SPATA1: variants seen among roughly 807,000 people sequenced by gnomAD.
SPATA1 encodes the protein spermatogenesis-associated protein 1.
A neutral mutation model predicts 59.6 loss-of-function variants in SPATA1; 57 were observed. The ratio of observed to expected loss-of-function variants is 0.96; its 90% CI spans 0.77 to 1.19. The LOEUF (loss-of-function observed/expected upper bound fraction) is 1.19. Among genes scored for constraint, SPATA1 ranks in the 50% most tolerant of loss-of-function variants. The probability of loss-of-function intolerance (pLI) is 0.00; values close to 1 mark genes in which losing one functional copy is unlikely to be tolerated. For missense variants in SPATA1, 448 were observed against 480.7 expected (o/e 0.93, Z 0.64); for synonymous variants, 147 against 163.9 (o/e 0.90, Z 0.79).
intron 1 of SPATA1, among the ~76,000 whole-genome samples, chr1:84,511,655 CTTTT>C (rs771793030): frequency 1.2e-5 from 1 of 81,134 alleles, no homozygotes; most frequent in Non-Finnish European, 2.6e-5. Flanking sequence ...GCATTTCAGG[CTTTT>C]TTTTTTTTTT....
intron 7 of SPATA1, among the ~76,000 whole-genome samples, chr1:84,533,418 G>A (rs1207906658): frequency 6.6e-6 from 1 of 151,926 alleles, no homozygotes; most frequent in Non-Finnish European, 1.5e-5. Flanking sequence ...ATTCACAAAA[G>A]AACAATAAAC....
At chr1:84,552,865 A>T in intron 12 of SPATA1, 1 of 544,556 alleles carries the variant, frequency 1.8e-6, no homozygotes, top group Non-Finnish European at 3.2e-6. Context: ...ATTAAACAGC[A>T]TTCATAATCT....
At chr1:84,566,854 C>G (rs995885708), downstream of SPATA1, among the ~76,000 whole-genome samples, 3 of 152,130 alleles carry the variant, frequency 2.0e-5, no homozygotes, top group African/African-American at 7.2e-5. Flanking sequence ...AGGCTGGTCT[C>G]AAACTCCTGA....
chr1:84,538,670 C>G (rs1350519541), intron 8 of SPATA1, among the ~76,000 whole-genome samples: 1 of 152,140 alleles, frequency 6.6e-6, no homozygotes, highest in African/African-American at 2.4e-5. Flanking sequence ...GGATGTGCTG[C>G]TCTATTTTTT....
At chr1:84,529,719 G>C (rs1158943931) in intron 6 of SPATA1, among the ~76,000 whole-genome samples, 2 of 150,990 alleles carry the variant, frequency 1.3e-5, no homozygotes, top group African/African-American at 2.4e-5. Context: ...TGGAATTACA[G>C]GTGCCTGCCA....
chr1:84,538,380 C>T (rs907953670), intron 8 of SPATA1, among the ~76,000 whole-genome samples: 3 of 152,162 alleles, frequency 2.0e-5, no homozygotes, highest in African/African-American at 4.8e-5. Flanking sequence ...GGCTCCTTGT[C>T]GTAATCTAGT....
At chr1:84,543,952 T>C (rs9782922) in intron 8 of SPATA1, among the ~76,000 whole-genome samples, 11,796 of 152,224 alleles carry the variant, frequency 0.077, 868 homozygotes, top group African/African-American at 0.19. Flanking sequence ...AAGGAAATCA[T>C]GTTTAGAAAG....
exon 6 of SPATA1, chr1:84,525,934 G>A (rs1296278158): frequency 6.2e-7 from 1 of 1,613,598 alleles, no homozygotes; most frequent in South Asian, 1.1e-5. Flanking sequence ...ATGAGCGGCA[G>A]ACTAATAATG....
chr1:84,563,857 A>G (rs376367371), intron 4 of SPATA1: 4 of 1,593,462 alleles, frequency 2.5e-6, no homozygotes, highest in East Asian at 4.5e-5. Flanking sequence ...GAGAAAAAGC[A>G]TATTTGTTTC....
intron 10 of SPATA1, among the ~76,000 whole-genome samples, chr1:84,547,562 T>C (rs1442371538): frequency 2.0e-5 from 3 of 151,704 alleles, no homozygotes; most frequent in Non-Finnish European, 4.4e-5. Flanking sequence ...TAGTAAAGAG[T>C]GATGAGGCAG....
intron 4 of SPATA1, among the ~76,000 whole-genome samples, chr1:84,524,776 T>G (rs1412918088): frequency 6.6e-6 from 1 of 152,190 alleles, no homozygotes; most frequent in Non-Finnish European, 1.5e-5. Flanking sequence ...TTCAAGTTAC[T>G]CTTTATTACA....
In SPATA1 at chr1:84,550,199, G is replaced by A. The variant is rs180965063; in HGVS notation, c.1126-233G>A. ...ATTCCTTTCATAGTAATAGTTGTTG[G>A]TTTTTACGATGCTAATTTAATGGTA... On this transcript the variant is annotated intron_variant, in intron 11 of 12. Coordinates refer to ENST00000490879, the Ensembl canonical transcript of SPATA1. 172 of 290,172 alleles carry A rather than the reference G, an allele frequency of 5.9e-4. 1 individual carries two copies. The highest frequency in any genetic ancestry group is 3.6e-3 in the African/African-American group (163 of 45,800). The allele number at this position is 290,172 out of a possible 1,614,324, so 18.0% of individuals were successfully genotyped here.
In SPATA1 at chr1:84,550,473, T is replaced by C. The variant is rs771350831; in HGVS notation, c.1167T>C (p.Ile389=). 1.3e-4 allele frequency: 198 copies of C among 1,569,616 alleles called. 2 individuals carry two copies. The Admixed American group carries it at 3.5e-3, about 28-fold the overall frequency. ...AGATCACTGAGGTACAGCATGCAAT[T>C]GACCAGCTTAAGAGAAAACTAGATA... The change falls in exon 12 of 13, where the codon ATT becomes ATC. Residue 389 remains isoleucine, a synonymous_variant. Transcript: ENST00000490879.
chr1:84,551,977 CAAATT>C (rs1448069789), intron 12 of SPATA1: 3 of 151,752 alleles, frequency 2.0e-5, no homozygotes, highest in African/African-American at 7.3e-5. Flanking sequence ...GGTTTGAACT[CAAATT>C]AGAATTGTTC....
chr1:84,545,547 A>G, intron 9 of SPATA1, 87 bp from the exon 10 acceptor site: 1 of 1,374,174 alleles, frequency 7.3e-7, no homozygotes, highest in Non-Finnish European at 9.6e-7. Flanking sequence ...TGCTTTAGAC[A>G]TTTTTAAGTT....
At chr1:84,560,466 GAACCTAAGCACAA>G (rs1190555456) in intron 4 of SPATA1, among the ~76,000 whole-genome samples, 3 of 152,150 alleles carry the variant, frequency 2.0e-5, no homozygotes, top group Non-Finnish European at 4.4e-5. Context: ...ATACTTCGTT[GAACCTAAGCACAA>G]AAATGGACAG....
At chr1:84,534,645 A>C (rs1488589152) in intron 8 of SPATA1, among the ~76,000 whole-genome samples, 2 of 152,130 alleles carry the variant, frequency 1.3e-5, no homozygotes, top group Admixed American at 1.3e-4. Flanking sequence ...ACATAGCAAA[A>C]ACCAGTTAGA....
rs888906445 is a variant in SPATA1 at position 84,520,753 on chromosome 1, A to G, written c.143+62A>G. 5.0e-6 allele frequency: 6 copies of G among 1,199,782 alleles called. No homozygotes were observed. In the African/African-American group the frequency reaches 7.9e-5, roughly 16 times the overall value. 74.3% of individuals were successfully genotyped at this position (1,199,782 alleles called of 1,614,324 possible). On this transcript the variant is annotated intron_variant, in intron 3 of 12. Coordinates refer to ENST00000490879, the Ensembl canonical transcript of SPATA1. ...AGAAGAATCTGTTTTCTTCAGAGAA[A>G]AATGCTTTTTGGAAATTTAAAAACT...
chr1:84,566,094 TTA>T (rs1684695065), exon 5 of SPATA1: 2 of 825,480 alleles, frequency 2.4e-6, no homozygotes, highest in Non-Finnish European at 1.7e-6. Flanking sequence ...TATATATTTT[TTA>T]CCTTATACTA....
Sources: allele counts gnomAD v4.1 joint callset (sites outside exome capture counted in the v4.1 genomes callset), GRCh38; gene constraint gnomAD v4.1.1; transcripts MANE v1.5; gene names NCBI Gene and HGNC (gene_info 2026-07-23, HGNC 2026-07-21).